The following SPATS2 variants were observed in gnomAD, a reference collection of about 807,000 sequenced individuals.
SPATS2 encodes the protein spermatogenesis associated serine rich 2.
SPATS2 carries 38 observed loss-of-function variants against 63.7 expected under a neutral mutation model. The observed-to-expected ratio is 0.60, with a 90% CI of 0.46 to 0.78. The LOEUF (loss-of-function observed/expected upper bound fraction) is 0.78. SPATS2 is among the 30% of genes least tolerant of loss of function. The probability of loss-of-function intolerance (pLI) is 0.00; values close to 1 mark genes in which losing one functional copy is unlikely to be tolerated. For synonymous variants in SPATS2, 207 were observed against 232.9 expected (o/e 0.89, Z 1.01); for missense variants, 588 against 666.2 (o/e 0.88, Z 1.29).
At chr12:49,409,591 AATTTT>A (rs1213774593) in intron 2 of SPATS2, among the ~76,000 whole-genome samples, 1,740 of 123,298 alleles carry the variant, frequency 0.014, 94 homozygotes, top group African/African-American at 0.053. Context: ...TGTGCCCAGC[AATTTT>A]TTTTTTTTTT....
intron 13 of SPATS2, 22 bp downstream of exon 13, chr12:49,524,918 G>A (rs760357131): frequency 5.6e-6 from 9 of 1,608,466 alleles, no homozygotes; most frequent in Non-Finnish European, 7.6e-6. Flanking sequence ...TCTACACTGA[G>A]CATGTTAGGA....
At chr12:49,484,070 A>G (rs1592444594) in intron 3 of SPATS2, among the ~76,000 whole-genome samples, 1 of 152,216 alleles carries the variant, frequency 6.6e-6, no homozygotes, top group Non-Finnish European at 1.5e-5. Context: ...GTTTTTCCAT[A>G]ACCTACAACT....
chr12:49,415,514 C>A (rs900368958), intron 2 of SPATS2, among the ~76,000 whole-genome samples: 1 of 152,182 alleles, frequency 6.6e-6, no homozygotes, highest in Non-Finnish European at 1.5e-5. Context: ...TTCTTATACA[C>A]AGCTAAAAGA....
Position 49,375,854 on chromosome 12 carries a change from G to C in SPATS2, c.-244+4564G>C, listed in dbSNP as rs530236820. Among the ~76,000 whole-genome samples the C allele has an allele frequency of 6.6e-5, 10 of 152,140 alleles. No individual in the cohort carries two copies. The East Asian group carries it at 1.7e-3, about 26-fold the overall frequency. On this transcript the variant is annotated intron_variant, in intron 2 of 13. Coordinates refer to ENST00000552918, the MANE Select transcript of SPATS2 (RefSeq NM_023071.4). Reference sequence around the variant, plus strand: ...GACAGGGTCTTGCTCTGTCTCCTAGGCTGGAGTGCAGTGGCACAATCTTGG... The same window carrying C: ...GACAGGGTCTTGCTCTGTCTCCTAGCCTGGAGTGCAGTGGCACAATCTTGG...
intron 2 of SPATS2, among the ~76,000 whole-genome samples, chr12:49,417,140 G>A (rs1260429707): frequency 1.3e-5 from 2 of 152,146 alleles, no homozygotes; most frequent in African/African-American, 4.8e-5. Flanking sequence ...ACTGACATTT[G>A]ATTTCCTCTC....
At chr12:49,461,263 G>C in intron 3 of SPATS2, 1 of 526,612 alleles carries the variant, frequency 1.9e-6, no homozygotes, top group South Asian at 2.6e-5. Flanking sequence ...TAACAATCTT[G>C]AAGATGCATT....
chr12:49,433,637 T>C (rs1257991572), intron 2 of SPATS2, among the ~76,000 whole-genome samples: 3 of 121,862 alleles, frequency 2.5e-5, no homozygotes, highest in Non-Finnish European at 5.5e-5. Flanking sequence ...AGTTGGGTTT[T>C]TGTTGTTGTT....
At chr12:49,375,184 GTGTGTGTGTGT>G (rs1944076464) in intron 2 of SPATS2, among the ~76,000 whole-genome samples, 1 of 119,166 alleles carries the variant, frequency 8.4e-6, no homozygotes, top group African/African-American at 3.6e-5. Context: ...GTGTGTGTGT[GTGTGTGTGTGT>G]GGTGGTAGTG....
At chr12:49,453,590 T>C (rs1195076793) in intron 2 of SPATS2, among the ~76,000 whole-genome samples, 2 of 152,036 alleles carry the variant, frequency 1.3e-5, no homozygotes, top group African/African-American at 4.8e-5. Context: ...GGCAGGAGGA[T>C]TGCTTGAAGC....
At chr12:49,491,168 C>T in intron 6 of SPATS2, 1 of 159,734 alleles carries the variant, frequency 6.3e-6, no homozygotes. Context: ...AATTCTTCGA[C>T]CTTGAAACAT....
chr12:49,458,210 T>G (rs746976567), intron 2 of SPATS2, among the ~76,000 whole-genome samples: 18 of 152,214 alleles, frequency 1.2e-4, no homozygotes, highest in Admixed American at 6.5e-5. Flanking sequence ...GGCTCATGCC[T>G]GTAATCCCAC....
At chr12:49,462,687 G>A (rs1945842834) in intron 3 of SPATS2, 1 of 563,948 alleles carries the variant, frequency 1.8e-6, no homozygotes. Context: ...GCAGGAAGGG[G>A]AGCTGAAAAG....
intron 9 of SPATS2, among the ~76,000 whole-genome samples, chr12:49,505,069 C>CTT (rs35654703): frequency 1.4e-5 from 2 of 147,546 alleles, no homozygotes; most frequent in African/African-American, 5.0e-5. Context: ...CAGCTCAGAG[C>CTT]TTTTTTTTTT....
At chr12:49,423,806 T>A (rs1009224119) in intron 2 of SPATS2, among the ~76,000 whole-genome samples, 2 of 152,322 alleles carry the variant, frequency 1.3e-5, no homozygotes, top group African/African-American at 4.8e-5. Context: ...GAGAAACCTA[T>A]GATTTATATC....
chr12:49,462,209 A>G (rs899159468), intron 3 of SPATS2: 7 of 672,150 alleles, frequency 1.0e-5, no homozygotes, highest in Admixed American at 8.6e-5. Flanking sequence ...GTGAAGCAGG[A>G]TATTTCCCTG....
At chr12:49,440,607 G>A (rs947836411) in intron 2 of SPATS2, among the ~76,000 whole-genome samples, 5 of 151,684 alleles carry the variant, frequency 3.3e-5, no homozygotes, top group African/African-American at 7.3e-5. Flanking sequence ...TAGCTGGGAC[G>A]ACAGGCGCAC....
intron 8 of SPATS2, among the ~76,000 whole-genome samples, chr12:49,497,434 C>G (rs1946482911): frequency 6.6e-6 from 1 of 151,168 alleles, no homozygotes; most frequent in African/African-American, 2.4e-5. Context: ...TCACTTTGTC[C>G]CCCAGGCTGG....
At chr12:49,434,837 G>A (rs1269505612) in intron 2 of SPATS2, among the ~76,000 whole-genome samples, 2 of 151,966 alleles carry the variant, frequency 1.3e-5, no homozygotes, top group Non-Finnish European at 2.9e-5. Context: ...CATTTAGTAA[G>A]CAGTAACAAA....
At chr12:49,469,618 C>T (rs1945999623) in intron 3 of SPATS2, 1 of 412,276 alleles carries the variant, frequency 2.4e-6, no homozygotes, top group Non-Finnish European at 4.7e-6. Flanking sequence ...GGGCCAGGCA[C>T]AGTGGCTCAC....
Sources: gnomAD v4.1 joint callset for allele counts (sites outside exome capture counted in the v4.1 genomes callset) on GRCh38, gnomAD v4.1.1 for gene constraint, MANE v1.5 for transcripts, NCBI Gene and HGNC (gene_info 2026-07-23, HGNC 2026-07-21) for gene names.